ARL15: variants seen among roughly 807,000 people sequenced by gnomAD.
ARL15 encodes the protein ARF like GTPase 15.
In ARL15, 19 loss-of-function variants were observed where a neutral mutation model predicts 25.2. The ratio of observed to expected loss-of-function variants is 0.75; its 90% confidence interval spans 0.53 to 1.10. The LOEUF is 1.10. Ranked by LOEUF, ARL15 falls within the 50% of genes least tolerant of loss-of-function variation. The pLI is 0.00. For synonymous variants in ARL15, 94 were observed against 86.8 expected (o/e 1.08, Z -0.46); for missense variants, 220 against 246.0 (o/e 0.89, Z 0.71).
chr5:54,100,606 T>A lies in ARL15; in HGVS notation c.462+12596A>T, dbSNP rs188547118. ...TTTGACTCAGTAAACTGCTAAAAAT[T>A]CATACCTTGGTAACAAGTTAGAGAT... On this transcript the variant is annotated intron_variant, in intron 4 of 4. Coordinates refer to ENST00000504924, the MANE Select transcript of ARL15 (RefSeq NM_019087.3). 8.5e-5 allele frequency among the ~76,000 whole-genome samples: 13 copies of A among 152,210 alleles called. No homozygotes were observed. The East Asian group carries it at 2.5e-3, about 29-fold the overall frequency.
At chr5:54,105,500 G>A (rs922939375) in intron 4 of ARL15, among the ~76,000 whole-genome samples, 2 of 152,088 alleles carry the variant, frequency 1.3e-5, no homozygotes, top group African/African-American at 4.8e-5. Flanking sequence ...TGCATACAAA[G>A]TATTAAATAT....
At chr5:53,917,358 G>T (rs528120429) in intron 4 of ARL15, among the ~76,000 whole-genome samples, 3 of 152,168 alleles carry the variant, frequency 2.0e-5, no homozygotes, top group Non-Finnish European at 4.4e-5. Flanking sequence ...GCCTGGATGG[G>T]CCCCTAGTGG....
chr5:54,309,806 C>T (rs1431289172), intron 1 of ARL15, among the ~76,000 whole-genome samples: 2 of 152,188 alleles, frequency 1.3e-5, no homozygotes, highest in African/African-American at 2.4e-5. Context: ...GGTTCCAATC[C>T]GTGCACAGTG....
intron 1 of ARL15, among the ~76,000 whole-genome samples, chr5:54,208,010 T>C (rs202165898): frequency 1.3e-5 from 2 of 152,214 alleles, no homozygotes; most frequent in East Asian, 3.9e-4. Context: ...GCATAGTGAA[T>C]ATTGAGAGCC....
chr5:53,915,702 A>G (rs944005135), intron 4 of ARL15, among the ~76,000 whole-genome samples: 1 of 152,206 alleles, frequency 6.6e-6, no homozygotes, highest in African/African-American at 2.4e-5. Context: ...GAAAAAGCGA[A>G]AGGAAGAAAT....
At chr5:54,050,348 C>T (rs1187309677) in intron 4 of ARL15, among the ~76,000 whole-genome samples, 1 of 152,196 alleles carries the variant, frequency 6.6e-6, no homozygotes, top group Non-Finnish European at 1.5e-5. Flanking sequence ...CTGAGCCAAT[C>T]ACCCCATTGA....
At chr5:54,127,282 C>T (rs1229729760) in intron 3 of ARL15, among the ~76,000 whole-genome samples, 2 of 152,052 alleles carry the variant, frequency 1.3e-5, no homozygotes, top group East Asian at 1.9e-4. Context: ...TTTGCTATTC[C>T]CAAAATCTCC....
intron 4 of ARL15, among the ~76,000 whole-genome samples, chr5:54,004,971 T>C (rs942331420): frequency 6.6e-6 from 1 of 151,864 alleles, no homozygotes; most frequent in Non-Finnish European, 1.5e-5. Context: ...TTCTAGTTTT[T>C]AAATTCTAAT....
Position 53,885,863 on chromosome 5 carries a change from A to G in ARL15, c.*698T>C, listed in dbSNP as rs1744505922. ...AGTCTGTGATGCATGCATTGTACCT[A>G]AATTTCCTCTAACCACTCTCAGAAA... On this transcript the variant is annotated 3_prime_UTR_variant, in exon 5 of 5. Transcript: ENST00000504924. 6.6e-6 allele frequency: 1 copy of G among 152,154 alleles called. No individual in the cohort carries two copies. The highest frequency in any genetic ancestry group is 2.4e-5 in the African/African-American group (1 of 41,440). 9.4% of individuals were successfully genotyped at this position (152,154 alleles called of 1,614,324 possible).
At chr5:54,154,712 T>C (rs157072) in intron 2 of ARL15, 73 bp from the exon 3 acceptor site, 358,623 of 881,572 alleles carry the variant, frequency 0.41, 76,532 homozygotes, top group East Asian at 0.66. Context: ...ATGCTCAAAT[T>C]GTCTCTTTTT....
chr5:54,250,080 G>A (rs981495229), intron 1 of ARL15, among the ~76,000 whole-genome samples: 6 of 152,190 alleles, frequency 3.9e-5, no homozygotes, highest in Non-Finnish European at 7.3e-5. Context: ...TGTTTCTGGT[G>A]AGGTCTCAGG....
intron 4 of ARL15, among the ~76,000 whole-genome samples, chr5:53,935,450 T>C (rs550077867): frequency 6.6e-6 from 1 of 152,250 alleles, no homozygotes; most frequent in Non-Finnish European, 1.5e-5. Context: ...TAGAGGTGTC[T>C]AGCACACATC....
intron 4 of ARL15, among the ~76,000 whole-genome samples, chr5:54,098,966 T>A (rs544537340): frequency 6.6e-6 from 1 of 152,228 alleles, no homozygotes; most frequent in African/African-American, 2.4e-5. Flanking sequence ...GACATACACT[T>A]TAATATGCTT....
At chr5:53,951,508 G>C (rs910222314) in intron 4 of ARL15, 5 of 471,510 alleles carry the variant, frequency 1.1e-5, no homozygotes, top group Non-Finnish European at 2.2e-5. Context: ...CAGTCTGCAG[G>C]TGGTTCTGTG....
At chr5:54,219,002 G>A (rs1468895556) in intron 1 of ARL15, among the ~76,000 whole-genome samples, 1 of 146,316 alleles carries the variant, frequency 6.8e-6, no homozygotes. Flanking sequence ...TTTTTTTTAA[G>A]ACAGTAATCT....
intron 4 of ARL15, among the ~76,000 whole-genome samples, chr5:54,003,555 T>A (rs921691284): frequency 1.3e-5 from 2 of 152,200 alleles, no homozygotes; most frequent in Non-Finnish European, 2.9e-5. Flanking sequence ...AAGCCTGAGC[T>A]ATGAAAACAG....
chr5:54,062,530 A>C (rs1031494183), intron 4 of ARL15, among the ~76,000 whole-genome samples: 1 of 147,582 alleles, frequency 6.8e-6, no homozygotes, highest in Non-Finnish European at 1.5e-5. Flanking sequence ...AAAAAAAAAA[A>C]AAACAACAGA....
chr5:53,973,888 C>T (rs1284396192), intron 4 of ARL15, among the ~76,000 whole-genome samples: 1 of 151,780 alleles, frequency 6.6e-6, no homozygotes, highest in African/African-American at 2.4e-5. Context: ...ATGCTATTTT[C>T]AACGATTTTT....
chr5:54,083,084 C>T (rs965116028), intron 4 of ARL15, among the ~76,000 whole-genome samples: 22 of 152,172 alleles, frequency 1.4e-4, no homozygotes, highest in African/African-American at 4.8e-4. Context: ...GGATTTCACA[C>T]AATGCATTTA....
Sources: allele counts gnomAD v4.1 joint callset (sites outside exome capture counted in the v4.1 genomes callset), GRCh38; gene constraint gnomAD v4.1.1; transcripts MANE v1.5; gene names NCBI Gene and HGNC (gene_info 2026-07-23, HGNC 2026-07-21).